The following ARMC2 variants were observed in gnomAD, a reference collection of about 807,000 sequenced individuals.
The protein encoded by ARMC2 is armadillo repeat containing 2.
Under a neutral mutation model 90.3 loss-of-function variants are expected in ARMC2, and 67 were observed. The observed-to-expected ratio is 0.74, with a 90% CI of 0.61 to 0.91. The LOEUF (loss-of-function observed/expected upper bound fraction) is 0.91. ARMC2 is among the 40% of genes least tolerant of loss of function. The pLI is 0.00. For synonymous variants in ARMC2, 393 were observed against 393.0 expected (o/e 1.00, Z 0.00); for missense variants, 920 against 1,030.9 (o/e 0.89, Z 1.47).
chr6:108,888,216 G>A (rs1332849322), intron 5 of ARMC2, among the ~76,000 whole-genome samples: 2 of 152,208 alleles, frequency 1.3e-5, no homozygotes, highest in African/African-American at 4.8e-5. Flanking sequence ...GACTGGAGGA[G>A]TTTGCTGATG....
chr6:108,950,643 G>C (rs1341275687), intron 12 of ARMC2, among the ~76,000 whole-genome samples: 1 of 152,184 alleles, frequency 6.6e-6, no homozygotes, highest in Non-Finnish European at 1.5e-5. Flanking sequence ...GGTGGGAGAA[G>C]GAAGAGGATC....
the ARMC2 span, chr6:108,998,763 G>GA: frequency 2.5e-6 from 4 of 1,580,184 alleles, no homozygotes; most frequent in Admixed American, 1.9e-5. Context: ...TCCCTTAGGG[G>GA]GAAAAAAAAA....
At chr6:108,990,840 A>G in the ARMC2 span, 2 of 1,611,452 alleles carry the variant, frequency 1.2e-6, no homozygotes, top group Non-Finnish European at 1.7e-6. Flanking sequence ...ATAGTCCTAA[A>G]TACAGGGAAT....
chr6:108,990,218 A>G, the ARMC2 span, among the ~76,000 whole-genome samples: 14 of 151,990 alleles, frequency 9.2e-5, no homozygotes, highest in Admixed American at 3.3e-4. Context: ...ATTACGTATT[A>G]TGAGAGCAAG....
At chr6:108,904,144 G>C (rs1772426592) in intron 7 of ARMC2, 86 bp from the exon 8 acceptor site, 2 of 1,449,994 alleles carry the variant, frequency 1.4e-6, no homozygotes, top group Non-Finnish European at 1.9e-6. Context: ...TAATTATGGG[G>C]TTTTTACTTA....
At chr6:109,016,557 T>C in the ARMC2 span, among the ~76,000 whole-genome samples, 1 of 152,180 alleles carries the variant, frequency 6.6e-6, no homozygotes, top group Non-Finnish European at 1.5e-5. Context: ...TATTATGTAT[T>C]TTAAAAATAA....
chr6:108,968,573 G>C (rs1300268632), intron 17 of ARMC2, among the ~76,000 whole-genome samples: 9 of 152,214 alleles, frequency 5.9e-5, no homozygotes, highest in African/African-American at 2.2e-4. Flanking sequence ...TGAGCACTCA[G>C]ACCCTGACTT....
chr6:108,881,296 C>CCTTCCTTCCTTCCTTCCTTCCTT (rs1554239379), intron 5 of ARMC2, among the ~76,000 whole-genome samples: 2 of 78,234 alleles, frequency 2.6e-5, no homozygotes, highest in East Asian at 7.6e-4. Context: ...CCCTCCCCTC[C>CCTTCCTTCCTTCCTTCCTTCCTT]CCTTCCTTCC....
intron 17 of ARMC2, among the ~76,000 whole-genome samples, chr6:108,965,448 A>G (rs558937016): frequency 4.8e-4 from 72 of 150,912 alleles, no homozygotes; most frequent in African/African-American, 1.7e-3. Context: ...CTGTTGTTCA[A>G]AAGCAAATAG....
intron 13 of ARMC2, among the ~76,000 whole-genome samples, chr6:108,955,190 G>A (rs1777486051): frequency 6.6e-6 from 1 of 152,194 alleles, no homozygotes; most frequent in Admixed American, 6.5e-5. Context: ...CCAACATTCA[G>A]TTTAGAACAA....
chr6:109,046,343 C>T, the ARMC2 span, among the ~76,000 whole-genome samples: 58 of 151,940 alleles, frequency 3.8e-4, 1 homozygote, highest in East Asian at 0.011. Flanking sequence ...CCTTGGCCTC[C>T]CGAGGTGCCG....
At chr6:108,849,493 A>G (rs1773786219) in intron 1 of ARMC2, among the ~76,000 whole-genome samples, 1 of 152,256 alleles carries the variant, frequency 6.6e-6, no homozygotes, top group Non-Finnish European at 1.5e-5. Context: ...TCAAACCTGT[A>G]CATTGTGCAC....
At chr6:108,942,885 A>G (rs932914867) in intron 12 of ARMC2, among the ~76,000 whole-genome samples, 4 of 152,224 alleles carry the variant, frequency 2.6e-5, no homozygotes, top group African/African-American at 7.2e-5. Flanking sequence ...TTCAAAAAAC[A>G]TAGAAACAGA....
At chr6:109,051,298 A>T in the ARMC2 span, among the ~76,000 whole-genome samples, 1 of 151,922 alleles carries the variant, frequency 6.6e-6, no homozygotes, top group African/African-American at 2.4e-5. Context: ...AAAGATTTTT[A>T]AAAATTATTT....
Position 108,973,358 on chromosome 6 carries a change from TGAA to T in ARMC2, c.2452_2454del (p.Glu818del). On this transcript the variant is annotated inframe_deletion and splice_region_variant, in exon 18 of 18. Transcript: ENST00000392644. ...GTAATTTAAATTTTTCTAATACAGA[TGAA>T]GAACTAGCACTGGATGGCAGTTTTG... 6.2e-7 allele frequency: 1 copy of T among 1,607,504 alleles called. No homozygotes were observed. Among genetic ancestry groups the T allele is most frequent in the Non-Finnish European group, 8.5e-7 (1 of 1,176,734 alleles).
chr6:108,980,724 A>T, the ARMC2 span, among the ~76,000 whole-genome samples: 1 of 152,146 alleles, frequency 6.6e-6, no homozygotes, highest in Non-Finnish European at 1.5e-5. Flanking sequence ...CTAGAGAGGC[A>T]GTCTGGCCAC....
chr6:108,853,466 A>G (rs1476752545), intron 1 of ARMC2, among the ~76,000 whole-genome samples: 1 of 152,006 alleles, frequency 6.6e-6, no homozygotes, highest in African/African-American at 2.4e-5. Context: ...GAGATATGAC[A>G]TTTTATGGAC....
At chr6:108,887,387 A>C (rs540257027) in intron 5 of ARMC2, among the ~76,000 whole-genome samples, 1 of 151,964 alleles carries the variant, frequency 6.6e-6, no homozygotes, top group South Asian at 2.1e-4. Flanking sequence ...GAAATGTAGG[A>C]CCCTCCTCAC....
intron 5 of ARMC2, among the ~76,000 whole-genome samples, chr6:108,889,615 T>A (rs546171610): frequency 1.5e-4 from 23 of 151,626 alleles, no homozygotes; most frequent in African/African-American, 4.6e-4. Flanking sequence ...AGTTTTAAAA[T>A]TTTTTTTAGA....
Sources: allele counts gnomAD v4.1 joint callset (sites outside exome capture counted in the v4.1 genomes callset), GRCh38; gene constraint gnomAD v4.1.1; transcripts MANE v1.5; gene names NCBI Gene and HGNC (gene_info 2026-07-23, HGNC 2026-07-21).